Variants in TULP4 observed in about 807,000 individuals in gnomAD.
The protein encoded by TULP4 is TUB like protein 4, also known as tubby-related protein 4.
In TULP4, 16 loss-of-function variants were observed where a neutral mutation model predicts 129.0. The observed-to-expected ratio is 0.12, with a 90% CI of 0.08 to 0.19. The LOEUF (loss-of-function observed/expected upper bound fraction) is 0.19. Ranked by LOEUF, TULP4 falls within the 10% of genes least tolerant of loss-of-function variation. The probability of loss-of-function intolerance (pLI) is 1.00; values close to 1 mark genes in which losing one functional copy is unlikely to be tolerated. For missense variants in TULP4, 1,842 were observed against 2,059.1 expected, an observed-to-expected ratio of 0.89 and a Z score of 2.04; for synonymous variants, 998 against 854.0, an observed-to-expected ratio of 1.17 and a Z score of -2.94.
intron 1 of TULP4, among the ~76,000 whole-genome samples, chr6:158,340,665 G>A (rs1780159145): frequency 6.6e-6 from 1 of 152,156 alleles, no homozygotes. Flanking sequence ...GAGAAAAGGT[G>A]ACTCCGCTGA....
chr6:158,314,585 G>T (rs1475426355), intron 1 of TULP4, among the ~76,000 whole-genome samples: 2 of 152,146 alleles, frequency 1.3e-5, no homozygotes, highest in Admixed American at 1.3e-4. Flanking sequence ...TAACCAGGGT[G>T]GGGGGTTAAA....
At chr6:158,425,178 A>T (rs1411314424) in intron 2 of TULP4, among the ~76,000 whole-genome samples, 3 of 142,856 alleles carry the variant, frequency 2.1e-5, no homozygotes, top group Middle Eastern at 3.7e-3. Context: ...AAAAAAAAAA[A>T]AAGACAATGT....
intron 8 of TULP4, among the ~76,000 whole-genome samples, chr6:158,487,982 T>C (rs753713059): frequency 6.6e-6 from 1 of 152,182 alleles, no homozygotes; most frequent in East Asian, 1.9e-4. Flanking sequence ...ATAGTAGTTA[T>C]GGCCAAATGC....
At chr6:158,424,895 G>GTAATCCCAGCA (rs1778439883) in intron 2 of TULP4, among the ~76,000 whole-genome samples, 1 of 151,742 alleles carries the variant, frequency 6.6e-6, no homozygotes, top group African/African-American at 2.4e-5. Flanking sequence ...GGCTCGTACC[G>GTAATCCCAGCA]GTAATCCCAG....
rs554920357 is a variant in TULP4 at position 158,482,005 on chromosome 6, CTT to C, written c.1486+718_1486+719del. ...CTCAGTCTGCCACCTCCCTCTGAAA[CTT>C]TGCCCATCACCTATGGCAGAACGAA... On this transcript the variant is annotated intron_variant, in intron 8 of 13. Transcript: ENST00000367097. Among the ~76,000 whole-genome samples, 452 of 152,326 alleles carry C rather than the reference CTT, an allele frequency of 3.0e-3. 4 individuals carry two copies. The highest frequency in any genetic ancestry group is 0.017 in the Middle Eastern group (5 of 294).
chr6:158,436,567 T>C (rs896957768), intron 3 of TULP4, among the ~76,000 whole-genome samples: 5 of 152,238 alleles, frequency 3.3e-5, no homozygotes, highest in Non-Finnish European at 7.3e-5. Context: ...AAGGCAGTTG[T>C]TTTTGAAATG....
At chr6:158,249,830 T>C (rs1778105414) in intron 1 of TULP4, among the ~76,000 whole-genome samples, 2 of 152,246 alleles carry the variant, frequency 1.3e-5, no homozygotes, top group African/African-American at 4.8e-5. Flanking sequence ...ATTTAAAGTT[T>C]TTGACCAATT....
At chr6:158,327,524 T>G (rs1779769629) in intron 1 of TULP4, among the ~76,000 whole-genome samples, 1 of 152,244 alleles carries the variant, frequency 6.6e-6, no homozygotes, top group African/African-American at 2.4e-5. Context: ...TACTTTATTT[T>G]TTAAGCTTTT....
rs1436590027 is a variant in TULP4 at position 158,511,373 on chromosome 6, T to G, written c.*4679T>G. The G allele has an allele frequency of 7.2e-6, 1 of 139,828 alleles. No homozygotes were observed. The highest frequency in any genetic ancestry group is 1.5e-5 in the Non-Finnish European group (1 of 66,328). The allele number at this position is 139,828 out of a possible 1,614,324, so 8.7% of individuals were successfully genotyped here. ...ACATAATTTCTGAGTTTATTACTAC[T>G]GGCATTTTCTTTTTCCCTTTTTTTT... is the stretch of plus-strand genomic sequence containing the variant. On this transcript the variant is annotated 3_prime_UTR_variant, in exon 14 of 14. Coordinates refer to ENST00000367097, the MANE Select transcript of TULP4 (RefSeq NM_020245.5).
intron 12 of TULP4, 22 bp downstream of exon 12, chr6:158,498,834 T>G (rs200236195): frequency 7.4e-6 from 12 of 1,612,318 alleles, no homozygotes; most frequent in Non-Finnish European, 1.0e-5. Flanking sequence ...TACATCAACG[T>G]GTTTGTCACG....
upstream of TULP4, among the ~76,000 whole-genome samples, chr6:158,278,074 T>G (rs1359497141): frequency 1.3e-5 from 2 of 152,230 alleles, no homozygotes; most frequent in African/African-American, 4.8e-5. Context: ...GTGGACTCCC[T>G]TCCTCTTGTG....
At chr6:158,357,666 C>G (rs1461628673) in intron 1 of TULP4, among the ~76,000 whole-genome samples, 1 of 152,178 alleles carries the variant, frequency 6.6e-6, no homozygotes, top group Non-Finnish European at 1.5e-5. Flanking sequence ...AAGTGTTCCT[C>G]TGATGCCGAG....
intron 1 of TULP4, among the ~76,000 whole-genome samples, chr6:158,252,404 C>A (rs1225657852): frequency 6.7e-6 from 1 of 149,368 alleles, no homozygotes; most frequent in African/African-American, 2.5e-5. Context: ...TAGGTGGAGT[C>A]TCGCTCTGTC....
chr6:158,406,032 T>C (rs537791600), intron 1 of TULP4, among the ~76,000 whole-genome samples: 106 of 152,300 alleles, frequency 7.0e-4, no homozygotes, highest in African/African-American at 2.4e-3. Context: ...CACCAGGTGC[T>C]CCTTGGGCAG....
chr6:158,391,552 C>A (rs941933428), intron 1 of TULP4, among the ~76,000 whole-genome samples: 2 of 152,152 alleles, frequency 1.3e-5, no homozygotes, highest in African/African-American at 4.8e-5. Context: ...ACATTTTTCA[C>A]TAAGACAAAA....
intron 1 of TULP4, among the ~76,000 whole-genome samples, chr6:158,239,143 G>A (rs1446130250): frequency 7.0e-5 from 8 of 113,754 alleles, no homozygotes; most frequent in African/African-American, 2.5e-4. Context: ...GGGCAGAGGC[G>A]CCCCTCACCT....
At position 158,290,121 on chromosome 6, in the gene TULP4, A is replaced by G. The variant is rs541610044; in HGVS notation, n.116+7743A>G. Among the ~76,000 whole-genome samples, 16 of 152,134 alleles carry G rather than the reference A, an allele frequency of 1.1e-4. No homozygotes were observed. The South Asian group carries it at 3.3e-3, about 32-fold the overall frequency. On this transcript the variant is annotated intron_variant and non_coding_transcript_variant, in intron 1 of 1. Coordinates refer to the TULP4 transcript ENST00000432358. Reference sequence around the variant, plus strand: ...TGGCTAATTTTAAAATTTTTTGTAGAAACGGGGTCCCACTGTGTTGCCCTG... The same window carrying G: ...TGGCTAATTTTAAAATTTTTTGTAGGAACGGGGTCCCACTGTGTTGCCCTG...
At chr6:158,237,497 C>T (rs1182788217) in intron 1 of TULP4, 2 of 1,548,690 alleles carry the variant, frequency 1.3e-6, no homozygotes, top group African/African-American at 1.4e-5. Flanking sequence ...GGGCTACTCA[C>T]AGTTTTTCTG....
At chr6:158,345,633 C>A (rs1780286650) in intron 1 of TULP4, among the ~76,000 whole-genome samples, 1 of 152,126 alleles carries the variant, frequency 6.6e-6, no homozygotes, top group Admixed American at 6.5e-5. Flanking sequence ...TCACATACTT[C>A]AAAGGGCAAA....
Sources: gnomAD v4.1 joint callset for allele counts (sites outside exome capture counted in the v4.1 genomes callset) on GRCh38, gnomAD v4.1.1 for gene constraint, MANE v1.5 for transcripts, NCBI Gene and HGNC (gene_info 2026-07-23, HGNC 2026-07-21) for gene names.